Variants in PCDH15 observed in about 807,000 individuals in gnomAD.
PCDH15 encodes the protein protocadherin related 15, also known as protocadherin-15.
In PCDH15, 129 loss-of-function variants were observed where a neutral mutation model predicts 178.5. The ratio of observed to expected loss-of-function variants is 0.72; its 90% CI spans 0.63 to 0.84. The LOEUF (loss-of-function observed/expected upper bound fraction) is 0.84, where lower values mean the gene tolerates loss of function less well. Among genes scored for constraint, PCDH15 ranks in the 40% least tolerant of loss-of-function variants. PCDH15 has a pLI of 0.00. For missense variants in PCDH15, 2,230 were observed against 2,099.9 expected, an observed-to-expected ratio of 1.06 and a Z score of -1.21; for synonymous variants, 800 against 732.0, an observed-to-expected ratio of 1.09 and a Z score of -1.50.
chr10:53,970,545 G>C (rs999445701), intron 21 of PCDH15, among the ~76,000 whole-genome samples: 2 of 151,724 alleles, frequency 1.3e-5, no homozygotes, highest in African/African-American at 4.8e-5. Flanking sequence ...CTGCTAGCAA[G>C]GCTAATAAAG....
At chr10:54,343,872 A>AT (rs71461231) in intron 6 of PCDH15, among the ~76,000 whole-genome samples, 49,394 of 151,718 alleles carry the variant, frequency 0.33, 9,051 homozygotes, top group African/African-American at 0.51. Context: ...GAAAGGCTCA[A>AT]TTTAATTATT....
Position 55,515,564 on chromosome 10 carries a change from AAATT to A in PCDH15, c.-156+112057_-156+112060del, listed in dbSNP as rs201906313. 1.4e-3 allele frequency among the ~76,000 whole-genome samples: 209 copies of A among 152,200 alleles called. 1 individual carries two copies. The highest frequency in any genetic ancestry group is 4.6e-3 in the African/African-American group (190 of 41,538). ...AAATAGCAGATCTAGTATTATCTTT[AAATT>A]AATTAATAAGTAGTTATGAAATTCA... On this transcript the variant is annotated intron_variant, in intron 2 of 5. Coordinates refer to the PCDH15 transcript ENST00000613346.
intron 2 of PCDH15, among the ~76,000 whole-genome samples, chr10:55,558,577 T>A (rs1029151433): frequency 6.6e-6 from 1 of 152,172 alleles, no homozygotes; most frequent in Non-Finnish European, 1.5e-5. Context: ...AAAAATAATG[T>A]ATAATGCCTA....
chr10:55,369,302 C>G (rs997595170), intron 2 of PCDH15, among the ~76,000 whole-genome samples: 1 of 151,980 alleles, frequency 6.6e-6, no homozygotes, highest in African/African-American at 2.4e-5. Flanking sequence ...AATTTCACCT[C>G]TATCAAGCAC....
intron 2 of PCDH15, among the ~76,000 whole-genome samples, chr10:55,359,351 C>T (rs1184293051): frequency 2.0e-5 from 3 of 151,648 alleles, no homozygotes; most frequent in African/African-American, 7.3e-5. Context: ...CTCTTCATGC[C>T]ATCCTTTAAT....
chr10:55,582,890 T>A (rs1842651700), intron 2 of PCDH15, among the ~76,000 whole-genome samples: 1 of 151,918 alleles, frequency 6.6e-6, no homozygotes, highest in South Asian at 2.1e-4. Flanking sequence ...TGTTAGATTT[T>A]GATAGTTTAA....
intron 2 of PCDH15, among the ~76,000 whole-genome samples, chr10:55,074,574 T>C (rs994180261): frequency 5.3e-5 from 8 of 152,148 alleles, no homozygotes; most frequent in African/African-American, 1.7e-4. Context: ...ATGGGGGTTT[T>C]TTTGTAAATT....
At chr10:53,908,581 T>A (rs551581812) in intron 25 of PCDH15, among the ~76,000 whole-genome samples, 1 of 152,336 alleles carries the variant, frequency 6.6e-6, no homozygotes, top group Admixed American at 6.5e-5. Flanking sequence ...ATCTAAAATA[T>A]TCTTAATTCC....
chr10:54,563,911 C>T (rs538131440), intron 2 of PCDH15, among the ~76,000 whole-genome samples: 59 of 152,232 alleles, frequency 3.9e-4, no homozygotes, highest in African/African-American at 1.3e-3. Flanking sequence ...CATTCGACTT[C>T]GACTGGTTGC....
chr10:54,379,920 A>G (rs1469759700), intron 3 of PCDH15, among the ~76,000 whole-genome samples: 1 of 152,146 alleles, frequency 6.6e-6, no homozygotes, highest in East Asian at 1.9e-4. Flanking sequence ...ACAGCACTCA[A>G]GAATATACAG....
At chr10:55,023,106 G>A (rs12771363) in intron 2 of PCDH15, among the ~76,000 whole-genome samples, 11,435 of 151,878 alleles carry the variant, frequency 0.075, 683 homozygotes, top group African/African-American at 0.16. Flanking sequence ...CACGCCCGGT[G>A]AAGTTTTTGC....
At chr10:55,402,293 A>G (rs1482946381) in intron 2 of PCDH15, among the ~76,000 whole-genome samples, 20 of 152,060 alleles carry the variant, frequency 1.3e-4, no homozygotes. Flanking sequence ...TGATACATGC[A>G]TACAATGTGT....
At chr10:55,499,088 A>G (rs1840597135) in intron 2 of PCDH15, among the ~76,000 whole-genome samples, 1 of 151,858 alleles carries the variant, frequency 6.6e-6, no homozygotes. Flanking sequence ...TGAGATTGGC[A>G]GAGTACTGAA....
chr10:54,796,909 A>C (rs925965165), intron 1 of PCDH15, among the ~76,000 whole-genome samples: 10 of 152,050 alleles, frequency 6.6e-5, no homozygotes, highest in African/African-American at 1.9e-4. Context: ...TTAAATGATA[A>C]AGCAAAAAGA....
At chr10:54,455,214 T>C (rs181738747) in intron 3 of PCDH15, among the ~76,000 whole-genome samples, 7 of 152,234 alleles carry the variant, frequency 4.6e-5, no homozygotes, top group Admixed American at 6.6e-5. Flanking sequence ...TATTTCTTCA[T>C]AGCAGCATGA....
intron 3 of PCDH15, among the ~76,000 whole-genome samples, chr10:54,512,540 T>C (rs1012996518): frequency 5.9e-5 from 9 of 152,272 alleles, no homozygotes; most frequent in African/African-American, 1.9e-4. Context: ...TTACTACTTC[T>C]GAAAATTTAA....
intron 2 of PCDH15, among the ~76,000 whole-genome samples, chr10:55,010,862 G>GGAC (rs1411378441): frequency 6.6e-6 from 1 of 151,878 alleles, no homozygotes; most frequent in Admixed American, 6.6e-5. Flanking sequence ...TCTAGTCTCT[G>GGAC]GACTCTTTCT....
chr10:53,957,030 T>A (rs1048526387), intron 23 of PCDH15, among the ~76,000 whole-genome samples: 1 of 152,208 alleles, frequency 6.6e-6, no homozygotes, highest in African/African-American at 2.4e-5. Flanking sequence ...TTGGCCTCAA[T>A]GCCACAATAT....
chr10:55,128,238 T>C (rs1362306827), intron 2 of PCDH15, among the ~76,000 whole-genome samples: 1 of 152,014 alleles, frequency 6.6e-6, no homozygotes, highest in Non-Finnish European at 1.5e-5. Flanking sequence ...CATCCTTTTT[T>C]TTCTATTTGC....
Sources: gnomAD v4.1 joint callset for allele counts (sites outside exome capture counted in the v4.1 genomes callset) on GRCh38, gnomAD v4.1.1 for gene constraint, MANE v1.5 for transcripts, NCBI Gene and HGNC (gene_info 2026-07-23, HGNC 2026-07-21) for gene names.